Variants in NBAS observed in about 807,000 individuals in gnomAD.
NBAS encodes NBAS subunit of NRZ tethering complex.
A neutral mutation model predicts 302.5 loss-of-function variants in NBAS; 219 were observed. That is an observed-to-expected ratio of 0.72 (90% CI 0.65 to 0.81). The LOEUF is 0.81. NBAS is among the 30% of genes least tolerant of loss of function. The pLI is 0.00. For missense variants in NBAS, 2,932 were observed against 2,841.6 expected (o/e 1.03, Z -0.72); for synonymous variants, 1,118 against 1,021.6 (o/e 1.09, Z -1.80).
At chr2:15,243,885 G>T (rs1025626912) in intron 44 of NBAS, among the ~76,000 whole-genome samples, 12 of 152,096 alleles carry the variant, frequency 7.9e-5, no homozygotes, top group African/African-American at 2.9e-4. Context: ...ATAAGACGGA[G>T]AAATCCTTAT....
chr2:15,467,272 G>T, intron 19 of NBAS, 57 bp downstream of exon 19: 1 of 1,212,798 alleles, frequency 8.2e-7, no homozygotes, highest in Non-Finnish European at 1.2e-6. Context: ...GGCAGCCATA[G>T]CATTTATAAT....
intron 19 of NBAS, among the ~76,000 whole-genome samples, chr2:15,465,195 G>A (rs923951139): frequency 6.6e-6 from 1 of 152,162 alleles, no homozygotes; most frequent in East Asian, 1.9e-4. Context: ...GAACCGTTCA[G>A]AGCTCAGAGA....
the NBAS span, among the ~76,000 whole-genome samples, chr2:15,058,583 T>G: frequency 3.3e-5 from 5 of 152,304 alleles, no homozygotes; most frequent in East Asian, 9.7e-4. Flanking sequence ...CGTGACAATA[T>G]AGAGCATTTA....
intron 28 of NBAS, 41 bp downstream of exon 28, chr2:15,394,186 A>T: frequency 6.5e-7 from 1 of 1,533,756 alleles, no homozygotes. Flanking sequence ...AAAAATATTT[A>T]AAATTAATTG....
At chr2:15,506,648 C>T (rs879488953) in intron 10 of NBAS, among the ~76,000 whole-genome samples, 6 of 152,098 alleles carry the variant, frequency 3.9e-5, no homozygotes, top group Non-Finnish European at 7.4e-5. Flanking sequence ...GTAATTTCAT[C>T]CAACCACAAG....
At chr2:15,316,148 C>T (rs1405493813) in intron 38 of NBAS, among the ~76,000 whole-genome samples, 3 of 152,054 alleles carry the variant, frequency 2.0e-5, no homozygotes, top group Non-Finnish European at 2.9e-5. Flanking sequence ...GCAGTGTGCA[C>T]GAATTTAATT....
intron 26 of NBAS, among the ~76,000 whole-genome samples, chr2:15,401,703 G>A (rs921890233): frequency 6.6e-5 from 10 of 152,024 alleles, no homozygotes; most frequent in African/African-American, 2.2e-4. Context: ...TATTATATAC[G>A]TTTCCATTTA....
At chr2:15,047,566 C>CAAGTGAAGGCTGGGCCT in the NBAS span, among the ~76,000 whole-genome samples, 2 of 67,068 alleles carry the variant, frequency 3.0e-5, no homozygotes, top group African/African-American at 1.2e-4. Flanking sequence ...AGGCTGGGCC[C>CAAGTGAAGGCTGGGCCT]GTGCAAGTGA....
rs757058230 is a variant in NBAS at position 15,292,600 on chromosome 2, A to G, written c.4964T>C (p.Val1655Ala). ...AQILQGLRKGVDVQRFTADDQ... is the reference protein window; with the variant it reads ...AQILQGLRKGADVQRFTADDQ... ...ATCTGCAGTAAACCGCTGCACGTCCACACCCTTCCGAAGGCCCTGAAGGAT... is the reference window on the plus strand; with the variant it reads ...ATCTGCAGTAAACCGCTGCACGTCCGCACCCTTCCGAAGGCCCTGAAGGAT... The change falls in exon 41 of 52, where the codon GTG (valine) becomes GCG (alanine). Residue 1655 changes from valine to alanine, a missense_variant. By Grantham distance (64) the Val-to-Ala change is moderately conservative. Transcript: ENST00000281513. 8 of 1,614,186 alleles carry G rather than the reference A, an allele frequency of 5.0e-6. No individual in the cohort carries two copies. Among genetic ancestry groups the G allele is most frequent in the East Asian group, 2.2e-5 (1 of 44,866 alleles).
At chr2:15,153,166 C>G in the NBAS span, among the ~76,000 whole-genome samples, 1 of 152,190 alleles carries the variant, frequency 6.6e-6, no homozygotes, top group Non-Finnish European at 1.5e-5. Context: ...AGCTTGATGT[C>G]AAAGCTTGAT....
the NBAS span, among the ~76,000 whole-genome samples, chr2:15,039,293 G>C: frequency 6.6e-6 from 1 of 152,148 alleles, no homozygotes; most frequent in African/African-American, 2.4e-5. Flanking sequence ...GTGGAAAATG[G>C]GGATGTCTGG....
chr2:15,113,782 C>G, the NBAS span, among the ~76,000 whole-genome samples: 88 of 151,676 alleles, frequency 5.8e-4, no homozygotes, highest in Middle Eastern at 3.4e-3. Flanking sequence ...TTAAAACAAA[C>G]TGCACCTCCA....
intron 44 of NBAS, among the ~76,000 whole-genome samples, chr2:15,242,438 T>C (rs1022707250): frequency 6.6e-6 from 1 of 152,194 alleles, no homozygotes; most frequent in Non-Finnish European, 1.5e-5. Context: ...GGTGTTTTAT[T>C]TGACTAGGCG....
intron 47 of NBAS, 73 bp downstream of exon 47, chr2:15,232,349 C>T (rs1237634910): frequency 3.3e-5 from 46 of 1,413,862 alleles, no homozygotes; most frequent in South Asian, 9.4e-5. Flanking sequence ...CTCATACATA[C>T]GGATACTAAG....
chr2:15,138,162 G>A, the NBAS span, among the ~76,000 whole-genome samples: 2 of 152,188 alleles, frequency 1.3e-5, no homozygotes, highest in Non-Finnish European at 2.9e-5. Context: ...TGAGAGCAGA[G>A]GATGGGAAAC....
In NBAS at chr2:15,242,448, G is replaced by A. The variant is rs75095107; in HGVS notation, c.5725-3762C>T. On this transcript the variant is annotated intron_variant, in intron 44 of 51. Coordinates refer to ENST00000281513, the MANE Select transcript of NBAS (RefSeq NM_015909.4). ...TGTAAGGTGTTTTATTTGACTAGGC[G>A]TTTTACTTAATTCAAGCTTTTTATT... is the stretch of plus-strand genomic sequence containing the variant. Among the ~76,000 whole-genome samples the A allele has an allele frequency of 2.7e-3, 405 of 152,108 alleles. 4 individuals are homozygous for A. Among genetic ancestry groups the A allele is most frequent in the African/African-American group, 9.3e-3 (388 of 41,508 alleles).
chr2:15,390,835 C>G (rs1217612923), intron 28 of NBAS, among the ~76,000 whole-genome samples: 1 of 152,006 alleles, frequency 6.6e-6, no homozygotes, highest in Non-Finnish European at 1.5e-5. Flanking sequence ...TATTTTGCGG[C>G]CAGGCGTGGT....
the NBAS span, among the ~76,000 whole-genome samples, chr2:14,914,733 T>G: frequency 1.3e-5 from 2 of 152,176 alleles, no homozygotes; most frequent in East Asian, 3.8e-4. Context: ...TCTCTGGGGT[T>G]TCTGGTTTGG....
At chr2:15,375,434 G>T (rs377722741) in intron 30 of NBAS, among the ~76,000 whole-genome samples, 2 of 152,124 alleles carry the variant, frequency 1.3e-5, no homozygotes, top group East Asian at 3.9e-4. Context: ...AGGCGGTAAC[G>T]GGCTCATGAA....
Sources: gnomAD v4.1 joint callset for allele counts (sites outside exome capture counted in the v4.1 genomes callset) on GRCh38, gnomAD v4.1.1 for gene constraint, MANE v1.5 for transcripts, NCBI Gene and HGNC (gene_info 2026-07-23, HGNC 2026-07-21) for gene names.